DIP2A: variants seen among roughly 807,000 people sequenced by gnomAD.
The protein encoded by DIP2A is DIP2 acetate--CoA ligase A.
A neutral mutation model predicts 177.4 loss-of-function variants in DIP2A; 85 were observed. The observed-to-expected ratio is 0.48, with a 90% CI of 0.40 to 0.57. The LOEUF is 0.57. Among genes scored for constraint, DIP2A ranks in the 20% least tolerant of loss-of-function variants. The pLI is 0.00. For synonymous variants in DIP2A, 886 were observed against 881.8 expected (o/e 1.00, Z -0.08); for missense variants, 1,791 against 2,100.2 (o/e 0.85, Z 2.88).
intron 1 of DIP2A, among the ~76,000 whole-genome samples, chr21:46,470,467 T>C (rs1439869927): frequency 2.3e-5 from 3 of 130,642 alleles, no homozygotes; most frequent in Non-Finnish European, 3.2e-5. Flanking sequence ...AGAGCGAAGC[T>C]CCGTCTCAAA....
In DIP2A at chr21:46,556,854, T is replaced by C. The variant is rs1346113426; in HGVS notation, c.3499-85T>C. The C allele has an allele frequency of 5.0e-5, 62 of 1,248,116 alleles. No homozygotes were observed. The highest frequency in any genetic ancestry group is 6.5e-5 in the Non-Finnish European group (59 of 912,476). 77.3% of individuals were successfully genotyped at this position (1,248,116 alleles called of 1,614,324 possible). A position where few individuals can be genotyped will look rare whatever the true frequency, so the allele number is the denominator to read the frequency against. On this transcript the variant is annotated intron_variant, in intron 29 of 37. Coordinates refer to ENST00000417564, the MANE Select transcript of DIP2A (RefSeq NM_015151.4). The surrounding 1 kb of genome is among the most constrained non-coding windows in gnomAD (Gnocchi z 4.5). ...GTAGTTCGGAGCTATGGTCTAGCCA[T>C]GTGAACAGCGGACACTGCCATCCAC...
intron 8 of DIP2A, among the ~76,000 whole-genome samples, chr21:46,526,345 T>A (rs1192049235): frequency 6.6e-6 from 1 of 151,842 alleles, no homozygotes; most frequent in Admixed American, 6.6e-5. Flanking sequence ...AAGTACTTAG[T>A]GTGTGTGTGT....
chr21:46,517,681 C>T (rs1363589903), intron 8 of DIP2A, among the ~76,000 whole-genome samples: 1 of 152,228 alleles, frequency 6.6e-6, no homozygotes. Flanking sequence ...GGCTCTTGGT[C>T]TCCTGCTGCA....
intron 23 of DIP2A, 105 bp downstream of exon 23, chr21:46,550,849 G>A (rs537104038): frequency 3.4e-5 from 40 of 1,182,006 alleles, no homozygotes; most frequent in Middle Eastern, 4.0e-4. Flanking sequence ...AACTGCCCAC[G>A]TCTTTGGGGC....
rs2060409704 is a variant in DIP2A, at chr21:46,554,939, T to C, written c.3388+6T>C. The C allele has an allele frequency of 1.3e-6, 2 of 1,550,446 alleles. No individual in the cohort carries two copies. The highest frequency in any genetic ancestry group is 2.0e-5 in the Admixed American group (1 of 51,040). On this transcript the variant is annotated splice_donor_region_variant and intron_variant, in intron 28 of 37. Coordinates refer to ENST00000417564, the MANE Select transcript of DIP2A (RefSeq NM_015151.4). ...GCCCACCATCCTAGACACAGGTGCG[T>C]GTCCTCGCACTGCCCAGGACCAGTC...
At chr21:46,502,853 A>G (rs1027916261) in intron 5 of DIP2A, among the ~76,000 whole-genome samples, 16 of 152,182 alleles carry the variant, frequency 1.1e-4, no homozygotes, top group African/African-American at 3.6e-4. Flanking sequence ...TGGTAGACCC[A>G]ATTATAACCA....
At chr21:46,552,284 A>C (rs1014746570) in intron 25 of DIP2A, among the ~76,000 whole-genome samples, 3 of 152,230 alleles carry the variant, frequency 2.0e-5, no homozygotes, top group African/African-American at 7.2e-5. Flanking sequence ...GTAAAAAATT[A>C]GCCATTTAGA....
Position 46,511,494 on chromosome 21 carries a change from G to A in DIP2A, c.982G>A (p.Gly328Ser), listed in dbSNP as rs1324358732. Residue 328 changes from glycine to serine, a missense_variant, in exon 8 of 38, where the codon GGT becomes AGT. Gly to Ser is a moderately conservative substitution (Grantham distance 56, BLOSUM62 0). Transcript: ENST00000417564. ...GCTGAGAGGGGAGCCTCTCACTGCAGGTGTCCCCCGACCGCCGTCGCTGTT... is the reference window on the plus strand; with the variant it reads ...GCTGAGAGGGGAGCCTCTCACTGCAAGTGTCCCCCGACCGCCGTCGCTGTT... ...SVLRGEPLTA[G>S]VPRPPSLLAT... 1 of 1,613,200 alleles carries A rather than the reference G, an allele frequency of 6.2e-7. No homozygotes were observed. Among genetic ancestry groups the A allele is most frequent in the Non-Finnish European group, 8.5e-7 (1 of 1,179,594 alleles).
At chr21:46,480,977 T>C (rs2056305702) in intron 1 of DIP2A, among the ~76,000 whole-genome samples, 1 of 152,152 alleles carries the variant, frequency 6.6e-6, no homozygotes, top group Admixed American at 6.5e-5. Context: ...GGAAAGCTGA[T>C]TTGCTTGAGC....
At chr21:46,495,224 C>CTT (rs1486939654) in intron 3 of DIP2A, among the ~76,000 whole-genome samples, 17 of 83,130 alleles carry the variant, frequency 2.0e-4, no homozygotes, top group African/African-American at 1.4e-3. Context: ...CTTCTCTTCT[C>CTT]TTCTCTTCTC....
chr21:46,552,016 G>A (rs1361238954), intron 25 of DIP2A, 112 bp downstream of exon 25: 1 of 1,251,912 alleles, frequency 8.0e-7, no homozygotes, highest in East Asian at 2.5e-5. Flanking sequence ...TTAGAGAACA[G>A]GGTGCCTGTG....
Position 46,521,275 on chromosome 21 carries a change from G to A in DIP2A, c.1103-7817G>A, listed in dbSNP as rs140520030. On this transcript the variant is annotated intron_variant, in intron 8 of 37. Transcript: ENST00000417564. The stretch of plus-strand genomic sequence containing the variant: ...GTGATCTCGGCTCACTGCAACCTCC[G>A]CCTCCTGGGTTCAAGCAATTCTTCT... Among the ~76,000 whole-genome samples the A allele has an allele frequency of 1.1e-4, 17 of 152,010 alleles. No homozygotes were observed. In the East Asian group the frequency reaches 3.3e-3, roughly 29 times the overall value.
At chr21:46,525,373 A>G (rs1402496729) in intron 8 of DIP2A, among the ~76,000 whole-genome samples, 2 of 152,170 alleles carry the variant, frequency 1.3e-5, no homozygotes, top group African/African-American at 4.8e-5. Context: ...AAGATAACCT[A>G]CTGTCCCGTT....
At chr21:46,538,710 A>T (rs993380780) in intron 16 of DIP2A, 108 bp downstream of exon 16, 14 of 1,423,634 alleles carry the variant, frequency 9.8e-6, no homozygotes, top group Middle Eastern at 1.8e-4. Flanking sequence ...TGCCATTGTC[A>T]TATAGATACA....
chr21:46,523,542 G>GC lies in DIP2A; in HGVS notation c.1103-5547dup, dbSNP rs2058927304. ...TTACAGGTATGAGCCACTGCACCTG[G>GC]CCCATAGTGCTTTTTTTTAAAATTC... On this transcript the variant is annotated intron_variant, in intron 8 of 37. Coordinates refer to ENST00000417564, the MANE Select transcript of DIP2A (RefSeq NM_015151.4). Among the ~76,000 whole-genome samples, 2 of 151,866 alleles carry GC rather than the reference G, an allele frequency of 1.3e-5. 1 individual carries two copies. Among genetic ancestry groups the GC allele is most frequent in the South Asian group, 4.2e-4 (2 of 4,816 alleles).
chr21:46,534,925 T>A (rs1343686575), intron 13 of DIP2A, among the ~76,000 whole-genome samples: 1 of 152,160 alleles, frequency 6.6e-6, no homozygotes, highest in Non-Finnish European at 1.5e-5. Flanking sequence ...GACAACCCCA[T>A]CAGGGTTGTT....
At chr21:46,545,775 C>A in intron 19 of DIP2A, 106 bp from the exon 20 acceptor site, 2 of 1,329,500 alleles carry the variant, frequency 1.5e-6, no homozygotes, top group Admixed American at 1.8e-5. Context: ...TTCCCCCTGG[C>A]CAGCAGGCGC....
chr21:46,475,723 C>G (rs1447813775), intron 1 of DIP2A, among the ~76,000 whole-genome samples: 2 of 152,160 alleles, frequency 1.3e-5, no homozygotes, highest in African/African-American at 4.8e-5. Context: ...ACATTAGATT[C>G]ATATTTGAAC....
chr21:46,559,614 T>C (rs1373375174), intron 32 of DIP2A, among the ~76,000 whole-genome samples: 1 of 152,252 alleles, frequency 6.6e-6, no homozygotes, highest in Non-Finnish European at 1.5e-5. Flanking sequence ...GCTCTGCGTC[T>C]GCAAGCCTGG....
Sources: allele counts gnomAD v4.1 joint callset (sites outside exome capture counted in the v4.1 genomes callset), GRCh38; gene constraint gnomAD v4.1.1; non-coding constraint Gnocchi (gnomAD v3.1); transcripts MANE v1.5; gene names NCBI Gene and HGNC (gene_info 2026-07-23, HGNC 2026-07-21).